The following CRADD variants were observed in gnomAD, a reference collection of about 807,000 sequenced individuals.
CRADD encodes the protein CARD and death domain containing adaptor protein, also known as death domain-containing protein CRADD.
In CRADD, 9 loss-of-function variants were observed where a neutral mutation model predicts 15.5. That is an observed-to-expected ratio of 0.58 (90% CI 0.35 to 1.01). The LOEUF (loss-of-function observed/expected upper bound fraction) is 1.01. Ranked by LOEUF, CRADD falls within the 50% of genes least tolerant of loss-of-function variation. The pLI, the probability that CRADD is intolerant of heterozygous loss-of-function variation, is 0.02. For missense variants in CRADD, 227 were observed against 250.3 expected, an observed-to-expected ratio of 0.91 and a Z score of 0.63; for synonymous variants, 118 against 107.6, an observed-to-expected ratio of 1.10 and a Z score of -0.60.
intron 2 of CRADD, among the ~76,000 whole-genome samples, chr12:93,876,710 A>C (rs1190254104): frequency 6.6e-6 from 1 of 152,158 alleles, no homozygotes; most frequent in Non-Finnish European, 1.5e-5. Flanking sequence ...ATCTAATAGA[A>C]TTCTGAATTC....
intron 2 of CRADD, among the ~76,000 whole-genome samples, chr12:93,687,218 C>T (rs906835609): frequency 2.6e-5 from 4 of 152,196 alleles, no homozygotes; most frequent in East Asian, 3.8e-4. Context: ...CTTGCCCCAG[C>T]GGAGATGCCT....
intron 2 of CRADD, chr12:93,815,179 A>G (rs185506685): frequency 1.3e-5 from 2 of 152,342 alleles, no homozygotes; most frequent in African/African-American, 2.4e-5. Flanking sequence ...TATGTTTTCT[A>G]TATAAACATA....
intron 2 of CRADD, among the ~76,000 whole-genome samples, chr12:93,873,914 G>C (rs1431929149): frequency 6.6e-6 from 1 of 151,766 alleles, no homozygotes; most frequent in South Asian, 2.1e-4. Flanking sequence ...GTGTGTGTCT[G>C]TGTGTGTGTC....
intron 2 of CRADD, among the ~76,000 whole-genome samples, chr12:93,715,800 T>C (rs1384291791): frequency 6.6e-6 from 1 of 152,174 alleles, no homozygotes; most frequent in Non-Finnish European, 1.5e-5. Context: ...TTAAATCCTT[T>C]TTCCCCATTT....
chr12:93,689,472 T>C (rs1257260349), intron 2 of CRADD, among the ~76,000 whole-genome samples: 1 of 152,198 alleles, frequency 6.6e-6, no homozygotes, highest in Non-Finnish European at 1.5e-5. Context: ...AAAAAAGGTA[T>C]GTTGTGTTTT....
At chr12:93,885,865 C>A (rs1288830773) in intron 2 of CRADD, among the ~76,000 whole-genome samples, 4 of 151,950 alleles carry the variant, frequency 2.6e-5, no homozygotes, top group Non-Finnish European at 4.4e-5. Context: ...ATGGCAAAAC[C>A]CTGTCTCTAC....
At chr12:93,792,635 G>T in intron 2 of CRADD, among the ~76,000 whole-genome samples, 1 of 152,080 alleles carries the variant, frequency 6.6e-6, no homozygotes, top group East Asian at 1.9e-4. Context: ...TATTTTCTAT[G>T]GAAAAATATA....
chr12:93,746,992 A>G (rs867698670), intron 2 of CRADD, among the ~76,000 whole-genome samples: 1 of 152,120 alleles, frequency 6.6e-6, no homozygotes, highest in South Asian at 2.1e-4. Flanking sequence ...ATTCAGGCCA[A>G]ATGAGTTCAG....
intron 2 of CRADD, among the ~76,000 whole-genome samples, chr12:93,809,251 T>C (rs1481982402): frequency 2.0e-5 from 3 of 152,184 alleles, no homozygotes; most frequent in Non-Finnish European, 4.4e-5. Context: ...TTCATATGTG[T>C]TTTAATATAA....
At chr12:93,743,480 C>T (rs927431843) in intron 2 of CRADD, among the ~76,000 whole-genome samples, 2 of 152,106 alleles carry the variant, frequency 1.3e-5, no homozygotes, top group Non-Finnish European at 2.9e-5. Flanking sequence ...CACAGGCCCT[C>T]GTCACCGTCT....
chr12:93,822,201 A>G (rs1045948365), intron 2 of CRADD, among the ~76,000 whole-genome samples: 13 of 152,010 alleles, frequency 8.6e-5, no homozygotes, highest in African/African-American at 1.9e-4. Context: ...TTGATGCCCC[A>G]TCCTACCCTG....
At chr12:93,845,997 G>A (rs75585691) in intron 2 of CRADD, among the ~76,000 whole-genome samples, 5,027 of 147,584 alleles carry the variant, frequency 0.034, 115 homozygotes, top group South Asian at 0.071. Context: ...ATCTGAATTC[G>A]ACAACTCCAA....
At chr12:93,871,037 A>C (rs1958414819) in intron 2 of CRADD, among the ~76,000 whole-genome samples, 1 of 152,232 alleles carries the variant, frequency 6.6e-6, no homozygotes, top group African/African-American at 2.4e-5. Context: ...ATACACTATA[A>C]ATGTAAAAGC....
At chr12:93,682,821 A>G (rs1038989007) in intron 2 of CRADD, among the ~76,000 whole-genome samples, 6 of 152,156 alleles carry the variant, frequency 3.9e-5, no homozygotes, top group Non-Finnish European at 5.9e-5. Context: ...AGGAAAAAAA[A>G]AAAGGTTTAA....
chr12:93,812,144 T>C lies in CRADD; in HGVS notation c.299-37826T>C, dbSNP rs754420090. Among the ~76,000 whole-genome samples, 177 of 152,248 alleles carry C rather than the reference T, an allele frequency of 1.2e-3. No individual in the cohort carries two copies. The Middle Eastern group carries it at 0.027, about 23-fold the overall frequency. On this transcript the variant is annotated intron_variant, in intron 2 of 2. Transcript: ENST00000332896. ...GAGTAAGGGATGAGTTGATGAAGCA[T>C]AGGGGACTTTTAGGGCAGTGAAACT...
At chr12:93,804,997 A>G (rs1269437410) in intron 2 of CRADD, among the ~76,000 whole-genome samples, 2 of 152,162 alleles carry the variant, frequency 1.3e-5, no homozygotes, top group African/African-American at 4.8e-5. Context: ...CGAGTATAAT[A>G]GCTACTGCTT....
intron 2 of CRADD, among the ~76,000 whole-genome samples, chr12:93,816,260 A>T (rs1474122385): frequency 6.6e-6 from 1 of 152,146 alleles, no homozygotes; most frequent in Non-Finnish European, 1.5e-5. Flanking sequence ...TCTGTCGCCC[A>T]GGCTGGAGTG....
intron 2 of CRADD, among the ~76,000 whole-genome samples, chr12:93,878,777 C>A (rs1298186637): frequency 6.6e-6 from 1 of 152,168 alleles, no homozygotes; most frequent in Non-Finnish European, 1.5e-5. Context: ...TGACAGCACA[C>A]TGGGGAAGGG....
At chr12:93,874,260 CT>C (rs1328598750) in intron 2 of CRADD, among the ~76,000 whole-genome samples, 1 of 151,912 alleles carries the variant, frequency 6.6e-6, no homozygotes, top group African/African-American at 2.4e-5. Flanking sequence ...ACTAATGGTC[CT>C]TTGAAATTCT....
Sources: allele counts gnomAD v4.1 joint callset (sites outside exome capture counted in the v4.1 genomes callset), GRCh38; gene constraint gnomAD v4.1.1; transcripts MANE v1.5; gene names NCBI Gene and HGNC (gene_info 2026-07-23, HGNC 2026-07-21).